Variants in IL23R observed in about 807,000 individuals in gnomAD.
IL23R encodes the protein interleukin-23 receptor.
IL23R carries 34 observed loss-of-function variants against 56.9 expected under a neutral mutation model. That is an observed-to-expected ratio of 0.60 (90% CI 0.45 to 0.80). IL23R has a LOEUF of 0.80. Ranked by LOEUF, IL23R falls within the 30% of genes least tolerant of loss-of-function variation. The probability of loss-of-function intolerance (pLI) is 0.00; values close to 1 mark genes in which losing one functional copy is unlikely to be tolerated. For missense variants in IL23R, 635 were observed against 730.0 expected, an observed-to-expected ratio of 0.87 and a Z score of 1.50; for synonymous variants, 230 against 249.2, an observed-to-expected ratio of 0.92 and a Z score of 0.73.
chr1:67,153,835 G>T, intron 1 of IL23R, among the ~76,000 whole-genome samples: 1 of 151,660 alleles, frequency 6.6e-6, no homozygotes, highest in East Asian at 1.9e-4. Flanking sequence ...GCGCAATTTC[G>T]GCTCACTGCA....
At chr1:67,229,108 T>G (rs1046257531) in intron 7 of IL23R, among the ~76,000 whole-genome samples, 6 of 152,226 alleles carry the variant, frequency 3.9e-5, no homozygotes, top group Admixed American at 3.9e-4. Flanking sequence ...TCTGGCACTA[T>G]CTGCCTAGAC....
At chr1:67,261,874 C>T (rs1653214867), downstream of IL23R, among the ~76,000 whole-genome samples, 1 of 152,152 alleles carries the variant, frequency 6.6e-6, no homozygotes, top group South Asian at 2.1e-4. Context: ...CTCCTTTTCG[C>T]CCCCTAGAGT....
chr1:67,236,865 A>G, intron 8 of IL23R, 63 bp downstream of exon 8: 2 of 1,068,888 alleles, frequency 1.9e-6, no homozygotes, highest in Non-Finnish European at 1.5e-6. Flanking sequence ...TTAACCCATC[A>G]TACTGAAAAA....
intron 7 of IL23R, among the ~76,000 whole-genome samples, chr1:67,228,362 C>CTTTTTTTTTTTTTTTTT (rs1558254618): frequency 2.5e-5 from 1 of 39,864 alleles, no homozygotes; most frequent in African/African-American, 6.9e-5. Flanking sequence ...TTTTTTTCTT[C>CTTTTTTTTTTTTTTTTT]CTTTTTTTTT....
chr1:67,139,818 G>A (rs1012511201), intron 1 of IL23R, among the ~76,000 whole-genome samples: 2 of 152,176 alleles, frequency 1.3e-5, no homozygotes, highest in Non-Finnish European at 2.9e-5. Flanking sequence ...CTGTCCTACA[G>A]GAAAGACCCA....
chr1:67,202,199 C>T (rs1026034695), intron 5 of IL23R, among the ~76,000 whole-genome samples: 1 of 151,880 alleles, frequency 6.6e-6, no homozygotes, highest in Non-Finnish European at 1.5e-5. Context: ...TTCTTATGTG[C>T]TAACTACTTT....
intron 1 of IL23R, among the ~76,000 whole-genome samples, chr1:67,160,654 C>T (rs1646810435): frequency 6.6e-6 from 1 of 152,102 alleles, no homozygotes; most frequent in African/African-American, 2.4e-5. Flanking sequence ...TGGGTGTGCA[C>T]CTTGATCATG....
In IL23R at chr1:67,259,200, T is replaced by C. The variant is rs555717578; in HGVS notation, c.*72T>C. On this transcript the variant is annotated 3_prime_UTR_variant, in exon 11 of 11. Coordinates refer to ENST00000347310, the MANE Select transcript of IL23R (RefSeq NM_144701.3). ...ACTTGGGTTTTCCCTGCAATAGAAATTGAATTCTGCCTCTTTTTGAAAAAA... is the reference window on the plus strand; with the variant it reads ...ACTTGGGTTTTCCCTGCAATAGAAACTGAATTCTGCCTCTTTTTGAAAAAA... The C allele has an allele frequency of 2.0e-5, 29 of 1,440,416 alleles. No homozygotes were observed. The African/African-American group carries it at 3.4e-4, about 17-fold the overall frequency. 89.2% of individuals were successfully genotyped at this position (1,440,416 alleles called of 1,614,324 possible). A position where few individuals can be genotyped will look rare whatever the true frequency, so the allele number is the denominator to read the frequency against.
At chr1:67,215,391 C>G (rs1021314488) in intron 6 of IL23R, among the ~76,000 whole-genome samples, 1 of 152,346 alleles carries the variant, frequency 6.6e-6, no homozygotes, top group Non-Finnish European at 1.5e-5. Context: ...GAGCTCTCCT[C>G]TACATGTCTC....
intron 4 of IL23R, among the ~76,000 whole-genome samples, chr1:67,189,967 C>T (rs1480621482): frequency 6.6e-6 from 1 of 151,972 alleles, no homozygotes; most frequent in African/African-American, 2.4e-5. Flanking sequence ...AAGTCAATTT[C>T]CCTAACTACC....
chr1:67,187,639 T>C (rs1246847675), intron 4 of IL23R, among the ~76,000 whole-genome samples: 1 of 152,218 alleles, frequency 6.6e-6, no homozygotes. Flanking sequence ...TCTGAAAGTA[T>C]TAAGAATGAG....
At position 67,168,111 on chromosome 1, in the gene IL23R, G is replaced by A. The variant is rs1424929294; in HGVS notation, c.-10G>A. 2.5e-6 allele frequency: 4 copies of A among 1,596,442 alleles called. No individual in the cohort carries two copies. The South Asian group carries it at 4.4e-5, about 18-fold the overall frequency. On this transcript the variant is annotated 5_prime_UTR_variant, in exon 2 of 11. Transcript: ENST00000347310. The stretch of plus-strand genomic sequence containing the variant: ...TTCCAGAGGGAAACAGTCTTTTCCT[G>A]CTTCCAGACATGAATCAGGTCACTA...
intron 7 of IL23R, among the ~76,000 whole-genome samples, chr1:67,224,217 G>A (rs1252432505): frequency 6.6e-6 from 1 of 152,110 alleles, no homozygotes; most frequent in Non-Finnish European, 1.5e-5. Flanking sequence ...GTAAATAAAA[G>A]CAGTAAGAAT....
chr1:67,224,180 A>G (rs1650474133), intron 7 of IL23R, among the ~76,000 whole-genome samples: 1 of 152,230 alleles, frequency 6.6e-6, no homozygotes, highest in African/African-American at 2.4e-5. Context: ...ATAATTACAT[A>G]AATTACATTG....
chr1:67,184,621 C>T (rs1438996240), intron 4 of IL23R, among the ~76,000 whole-genome samples: 1 of 148,986 alleles, frequency 6.7e-6, no homozygotes, highest in East Asian at 2.0e-4. Context: ...ATAAAATAAG[C>T]CTTCTGTGGT....
chr1:67,165,159 T>C (rs1646860376), upstream of IL23R, among the ~76,000 whole-genome samples: 1 of 151,932 alleles, frequency 6.6e-6, no homozygotes, highest in Non-Finnish European at 1.5e-5. Context: ...CAGTGAGCCG[T>C]AATCACGCCG....
intron 1 of IL23R, 100 bp from the exon 2 acceptor site, chr1:67,167,992 G>T (rs1168669146): frequency 7.2e-6 from 5 of 690,332 alleles, no homozygotes; most frequent in Admixed American, 2.2e-5. Context: ...CCTAATCAAA[G>T]GTTCCCATCA....
At chr1:67,201,300 C>G (rs895727261) in intron 5 of IL23R, among the ~76,000 whole-genome samples, 4 of 151,230 alleles carry the variant, frequency 2.6e-5, no homozygotes, top group Non-Finnish European at 5.9e-5. Context: ...CCCAGCTACT[C>G]AGGAGGCTGA....
At chr1:67,215,526 C>T (rs950970514) in intron 6 of IL23R, among the ~76,000 whole-genome samples, 37 of 152,280 alleles carry the variant, frequency 2.4e-4, no homozygotes, top group Admixed American at 1.5e-3. Flanking sequence ...TCAGGCTTAC[C>T]AATGTCTGTT....
Sources: allele counts gnomAD v4.1 joint callset (sites outside exome capture counted in the v4.1 genomes callset), GRCh38; gene constraint gnomAD v4.1.1; transcripts MANE v1.5; gene names NCBI Gene and HGNC (gene_info 2026-07-23, HGNC 2026-07-21).